The following PCDHGA4 variants were observed in gnomAD, a reference collection of about 807,000 sequenced individuals.
PCDHGA4 encodes the protein protocadherin gamma-A4.
Under a neutral mutation model 54.6 loss-of-function variants are expected in PCDHGA4, and 38 were observed. The ratio of observed to expected loss-of-function variants is 0.70; its 90% CI spans 0.54 to 0.91. The LOEUF is 0.91. Ranked by LOEUF, PCDHGA4 falls within the 40% of genes least tolerant of loss-of-function variation. The probability of loss-of-function intolerance (pLI) is 0.00; values close to 1 mark genes in which losing one functional copy is unlikely to be tolerated. For missense variants in PCDHGA4, 1,298 were observed against 1,220.9 expected (o/e 1.06, Z -0.94); for synonymous variants, 511 against 512.9 (o/e 1.00, Z 0.05).
Position 141,490,885 on chromosome 5 carries a change from T to C in PCDHGA4, c.2515-3922T>C, listed in dbSNP as rs1317781676. The stretch of plus-strand genomic sequence containing the variant: ...CTCTCCCCCATTGCATGCCAACACA[T>C]CTCTGCATGTGTTTGTCCTAGACGA... On this transcript the variant is annotated intron_variant, in intron 1 of 3. Coordinates refer to ENST00000571252, the MANE Select transcript of PCDHGA4 (RefSeq NM_018917.4). This position sits in a 1 kb window ranked among gnomAD's most constrained non-coding sequence, Gnocchi z 5.4. The C allele has an allele frequency of 6.2e-7, 1 of 1,613,872 alleles. No individual in the cohort carries two copies. Among genetic ancestry groups the C allele is most frequent in the Non-Finnish European group, 8.5e-7 (1 of 1,179,904 alleles).
At chr5:141,413,805 C>T (rs772637762) in intron 1 of PCDHGA4, 1 of 1,613,166 alleles carries the variant, frequency 6.2e-7, no homozygotes, top group South Asian at 1.1e-5. Flanking sequence ...AGGAAGAGGC[C>T]ATTCACCACC....
chr5:141,479,490 G>A (rs1334340000), intron 1 of PCDHGA4: 1 of 152,248 alleles, frequency 6.6e-6, no homozygotes, highest in Non-Finnish European at 1.5e-5. Context: ...AGGACCATCA[G>A]GTTGCCTAAA....
intron 1 of PCDHGA4, chr5:141,422,184 A>T: frequency 6.4e-7 from 1 of 1,561,838 alleles, no homozygotes; most frequent in Non-Finnish European, 8.6e-7. Context: ...ATGAGATGGA[A>T]ATTCAAGGCC....
intron 1 of PCDHGA4, chr5:141,387,690 C>A: frequency 1.2e-6 from 1 of 833,028 alleles, no homozygotes; most frequent in Non-Finnish European, 1.8e-6. Context: ...AGCCGCAGCG[C>A]GCTTTCCAGG....
chr5:141,478,481 C>A, intron 1 of PCDHGA4: 1 of 1,613,576 alleles, frequency 6.2e-7, no homozygotes, highest in South Asian at 1.1e-5. Flanking sequence ...CCAGAACACG[C>A]TGCGGAGCTG....
At chr5:141,382,462 TA>T (rs1346990551) in intron 1 of PCDHGA4, among the ~76,000 whole-genome samples, 1 of 152,240 alleles carries the variant, frequency 6.6e-6, no homozygotes, top group East Asian at 1.9e-4. Flanking sequence ...AGCAGTTTTT[TA>T]AAAATTATCT....
intron 1 of PCDHGA4, among the ~76,000 whole-genome samples, chr5:141,448,083 T>C (rs1020024755): frequency 2.6e-5 from 4 of 151,368 alleles, no homozygotes; most frequent in African/African-American, 9.7e-5. Context: ...CGAAATGCCA[T>C]CTTAAAAAAA....
rs145025535 is a variant in PCDHGA4 at position 141,457,569 on chromosome 5, T to A, written c.2515-37238T>A. 2.5e-3 allele frequency among the ~76,000 whole-genome samples: 376 copies of A among 152,304 alleles called. 1 individual carries two copies. Among genetic ancestry groups the A allele is most frequent in the African/African-American group, 8.6e-3 (357 of 41,554 alleles). On this transcript the variant is annotated intron_variant, in intron 1 of 3. Transcript: ENST00000571252. Reference sequence around the variant, plus strand: ...TGTATGATAAGCTTTGGAGCAAAATTTTTCTCTCCAGTCCTCATTTTTGGT... The same window carrying A: ...TGTATGATAAGCTTTGGAGCAAAATATTTCTCTCCAGTCCTCATTTTTGGT...
chr5:141,382,946 T>C (rs1415736753), intron 1 of PCDHGA4: 27 of 1,598,228 alleles, frequency 1.7e-5, no homozygotes, highest in Non-Finnish European at 2.3e-5. Flanking sequence ...TTCTTCCTGC[T>C]CTCCATCCTC....
chr5:141,431,506 G>T lies in PCDHGA4; in HGVS notation c.2515-63301G>T. 1.2e-6 allele frequency: 2 copies of T among 1,613,988 alleles called. No homozygotes were observed. Among genetic ancestry groups the T allele is most frequent in the South Asian group, 2.2e-5 (2 of 91,084 alleles). The stretch of plus-strand genomic sequence containing the variant: ...CGTTTGCTCAGCCCGAGTACCGCGC[G>T]AGCGTTCCGGAGAATCTGGCCTTGG... On this transcript the variant is annotated intron_variant, in intron 1 of 3. Coordinates refer to ENST00000571252, the MANE Select transcript of PCDHGA4 (RefSeq NM_018917.4). This position sits in a 1 kb window ranked among gnomAD's most constrained non-coding sequence, Gnocchi z 4.8.
intron 1 of PCDHGA4, chr5:141,378,729 T>C (rs769149282): frequency 1.1e-4 from 17 of 152,216 alleles, no homozygotes; most frequent in African/African-American, 3.4e-4. Flanking sequence ...GAACTCTTTA[T>C]TGAAATATTT....
chr5:141,419,890 C>T (rs775698934), intron 1 of PCDHGA4: 3 of 1,614,102 alleles, frequency 1.9e-6, no homozygotes, highest in Non-Finnish European at 2.5e-6. Flanking sequence ...ATTTCAGCGA[C>T]CATCCCACAC....
chr5:141,494,923 G>A lies in PCDHGA4; in HGVS notation c.2573+58G>A, dbSNP rs572227346. Reference sequence around the variant, plus strand: ...TCTGCGGCATTTTCTCAGGGATGACGTGGGAGGAGATGGGGGAGGGCCCAG... The same window carrying A: ...TCTGCGGCATTTTCTCAGGGATGACATGGGAGGAGATGGGGGAGGGCCCAG... On this transcript the variant is annotated intron_variant, in intron 2 of 3. Coordinates refer to ENST00000571252, the MANE Select transcript of PCDHGA4 (RefSeq NM_018917.4). The A allele has an allele frequency of 8.9e-5, 143 of 1,613,698 alleles. 1 individual carries two copies. In the Middle Eastern group the frequency reaches 1.8e-3, roughly 20 times the overall value.
intron 1 of PCDHGA4, chr5:141,418,464 G>A: frequency 3.7e-6 from 6 of 1,614,010 alleles, no homozygotes; most frequent in Non-Finnish European, 5.1e-6. Flanking sequence ...ACTCTGGACC[G>A]AGAAACGCAG....
chr5:141,431,907 T>A lies in PCDHGA4; in HGVS notation c.2515-62900T>A, dbSNP rs2097427946. 2 of 1,613,964 alleles carry A rather than the reference T, an allele frequency of 1.2e-6. No homozygotes were observed. Among genetic ancestry groups the A allele is most frequent in the South Asian group, 2.2e-5 (2 of 91,086 alleles). Reference sequence around the variant, plus strand: ...GATTCTGAGGAAAACGGACAGGTGATCTGTTTCATCCAAGGAAATCTGCCC... The same window carrying A: ...GATTCTGAGGAAAACGGACAGGTGAACTGTTTCATCCAAGGAAATCTGCCC... On this transcript the variant is annotated intron_variant, in intron 1 of 3. Transcript: ENST00000571252. This position sits in a 1 kb window ranked among gnomAD's most constrained non-coding sequence, Gnocchi z 4.8.
Position 141,371,530 on chromosome 5 carries a change from A to G in PCDHGA4, c.2514+13909A>G, listed in dbSNP as rs769779786. ...ACACATGATCTAGATTCTGGATTTAATGGAGAAATCCTATGCCAACTAAAA... is the reference window on the plus strand; with the variant it reads ...ACACATGATCTAGATTCTGGATTTAGTGGAGAAATCCTATGCCAACTAAAA... On this transcript the variant is annotated intron_variant, in intron 1 of 3. Transcript: ENST00000571252. The G allele has an allele frequency of 1.9e-6, 3 of 1,613,804 alleles. No individual in the cohort carries two copies. The Middle Eastern group carries it at 4.9e-4, about 266-fold the overall frequency.
chr5:141,490,467 C>T lies in PCDHGA4; in HGVS notation c.2515-4340C>T. ...AGAACCACTACTCGCTGCTAACCAG[C>T]CAGCCTTTGGACCGGGAGGCCACAT... is the stretch of plus-strand genomic sequence containing the variant. On this transcript the variant is annotated intron_variant, in intron 1 of 3. Transcript: ENST00000571252. This position sits in a 1 kb window ranked among gnomAD's most constrained non-coding sequence, Gnocchi z 5.4. The T allele has an allele frequency of 6.2e-7, 1 of 1,614,216 alleles. No individual in the cohort carries two copies. The highest frequency in any genetic ancestry group is 8.5e-7 in the Non-Finnish European group (1 of 1,180,040).
chr5:141,362,655 T>A, intron 1 of PCDHGA4: 1 of 1,397,228 alleles, frequency 7.2e-7, no homozygotes, highest in Non-Finnish European at 9.5e-7. Context: ...GAGTTAGATT[T>A]GGCCAATGTT....
chr5:141,490,485 G>A lies in PCDHGA4; in HGVS notation c.2515-4322G>A. 3 of 1,614,202 alleles carry A rather than the reference G, an allele frequency of 1.9e-6. No individual in the cohort carries two copies. Among genetic ancestry groups the A allele is most frequent in the Middle Eastern group, 3.3e-4 (2 of 6,062 alleles). On this transcript the variant is annotated intron_variant, in intron 1 of 3. Coordinates refer to ENST00000571252, the MANE Select transcript of PCDHGA4 (RefSeq NM_018917.4). This position sits in a 1 kb window ranked among gnomAD's most constrained non-coding sequence, Gnocchi z 5.4. ...TAACCAGCCAGCCTTTGGACCGGGA[G>A]GCCACATCCCACTATATCATCGAGC... is the stretch of plus-strand genomic sequence containing the variant.
Sources: allele counts gnomAD v4.1 joint callset (sites outside exome capture counted in the v4.1 genomes callset), GRCh38; gene constraint gnomAD v4.1.1; non-coding constraint Gnocchi (gnomAD v3.1); transcripts MANE v1.5; gene names NCBI Gene and HGNC (gene_info 2026-07-23, HGNC 2026-07-21).